SLC44A3: variants seen among roughly 807,000 people sequenced by gnomAD.
SLC44A3 encodes the protein solute carrier family 44 member 3, also known as choline transporter-like protein 3.
Under a neutral mutation model 75.4 loss-of-function variants are expected in SLC44A3, and 74 were observed. That is an observed-to-expected ratio of 0.98 (90% CI 0.81 to 1.19). The LOEUF (loss-of-function observed/expected upper bound fraction) is 1.19, where lower values mean the gene tolerates loss of function less well. Among genes scored for constraint, SLC44A3 ranks in the 50% most tolerant of loss-of-function variants. The pLI, the probability that SLC44A3 is intolerant of heterozygous loss-of-function variation, is 0.00. For missense variants in SLC44A3, 700 were observed against 778.6 expected (o/e 0.90, Z 1.20); for synonymous variants, 310 against 296.9 (o/e 1.04, Z -0.45).
intron 5 of SLC44A3, among the ~76,000 whole-genome samples, chr1:94,829,314 T>G (rs1457459412): frequency 5.3e-5 from 8 of 151,850 alleles, no homozygotes; most frequent in Non-Finnish European, 1.2e-4. Flanking sequence ...ACTTTTGGCT[T>G]TTTATCATAA....
At chr1:94,892,139 CA>C in intron 13 of SLC44A3, 141 bp from the exon 14 acceptor site, 13 of 789,210 alleles carry the variant, frequency 1.6e-5, no homozygotes, top group Non-Finnish European at 2.7e-5. Context: ...TTCATTCTGC[CA>C]AAATTTCTGA....
chr1:94,830,728 C>G (rs748758435), intron 5 of SLC44A3, among the ~76,000 whole-genome samples: 1 of 152,050 alleles, frequency 6.6e-6, no homozygotes, highest in Non-Finnish European at 1.5e-5. Context: ...GTAGATGTAA[C>G]TACGGATGGA....
At position 94,830,012 on chromosome 1, in the gene SLC44A3, T is replaced by C. The variant is rs1428185359; in HGVS notation, c.509+1426T>C. On this transcript the variant is annotated intron_variant, in intron 5 of 14. Transcript: ENST00000271227. ...AAAAATAATGTATTTCATAGTCTTA[T>C]AACTGGTTGCAAGTGAAGCTTGAAA... Among the ~76,000 whole-genome samples the C allele has an allele frequency of 2.0e-5, 3 of 152,222 alleles. No homozygotes were observed. The East Asian group carries it at 5.8e-4, about 29-fold the overall frequency.
intron 12 of SLC44A3, among the ~76,000 whole-genome samples, chr1:94,876,275 C>T (rs1286771417): frequency 6.6e-6 from 1 of 152,246 alleles, no homozygotes; most frequent in Non-Finnish European, 1.5e-5. Flanking sequence ...CCCAAATTCA[C>T]TTAGTGTGGA....
chr1:94,894,332 T>C (rs1670542391), intron 14 of SLC44A3, among the ~76,000 whole-genome samples: 1 of 152,202 alleles, frequency 6.6e-6, no homozygotes, highest in South Asian at 2.1e-4. Context: ...AGCTGTCATC[T>C]GAATGAAATC....
Position 94,845,206 on chromosome 1 carries a change from T to A in SLC44A3, c.886-72T>A, listed in dbSNP as rs150490965. The A allele has an allele frequency of 3.5e-6, 5 of 1,432,156 alleles. No homozygotes were observed. In the East Asian group the frequency reaches 1.2e-4, roughly 33 times the overall value. 88.7% of individuals were successfully genotyped at this position (1,432,156 alleles called of 1,614,324 possible). ...GTTTGCTGAGATGTCATAATAATAG[T>A]AGGGCTTGCTTTAAGCTCTACCCAG... On this transcript the variant is annotated intron_variant, in intron 8 of 14. Coordinates refer to ENST00000271227, the MANE Select transcript of SLC44A3 (RefSeq NM_001114106.3).
chr1:94,820,839 T>C, intron 1 of SLC44A3, 110 bp from the exon 2 acceptor site: 2 of 1,323,454 alleles, frequency 1.5e-6, no homozygotes, highest in Non-Finnish European at 2.0e-6. Flanking sequence ...TTTTAAAAAT[T>C]TAGAAAAAGA....
chr1:94,876,398 G>A (rs967151655), intron 12 of SLC44A3, among the ~76,000 whole-genome samples: 2 of 152,176 alleles, frequency 1.3e-5, no homozygotes, highest in African/African-American at 4.8e-5. Flanking sequence ...TTGTCCAAGG[G>A]GTCTGACTGC....
intron 12 of SLC44A3, among the ~76,000 whole-genome samples, chr1:94,872,897 C>T (rs1445606331): frequency 6.6e-6 from 1 of 152,162 alleles, no homozygotes; most frequent in African/African-American, 2.4e-5. Context: ...TACCTTGTAT[C>T]CATGGTGAGG....
At position 94,860,417 on chromosome 1, in the gene SLC44A3, T is replaced by C. The variant is rs115582533; in HGVS notation, c.1238+2917T>C. 7.2e-3 allele frequency among the ~76,000 whole-genome samples: 1,101 copies of C among 152,142 alleles called. 11 individuals are homozygous for C. The highest frequency in any genetic ancestry group is 0.025 in the African/African-American group (1,057 of 41,516). ...TAAATTTGGGAGACCCACTATCTGA[T>C]TAATATGAGCCCAGAAATACAGAAC... is the stretch of plus-strand genomic sequence containing the variant. On this transcript the variant is annotated intron_variant, in intron 10 of 14. Transcript: ENST00000271227.
chr1:94,830,734 A>T (rs1662015561), intron 5 of SLC44A3, among the ~76,000 whole-genome samples: 1 of 152,184 alleles, frequency 6.6e-6, no homozygotes. Flanking sequence ...GTAACTACGG[A>T]TGGAATTGAA....
chr1:94,827,365 G>A (rs910782327), intron 3 of SLC44A3, 142 bp from the exon 4 acceptor site: 1 of 1,062,438 alleles, frequency 9.4e-7, no homozygotes, highest in Non-Finnish European at 1.4e-6. Flanking sequence ...CATCATAAAT[G>A]TTCAATTATG....
chr1:94,821,357 A>G (rs543920607), intron 2 of SLC44A3, among the ~76,000 whole-genome samples: 19 of 152,348 alleles, frequency 1.2e-4, no homozygotes, highest in Non-Finnish European at 1.6e-4. Context: ...CTTACTGAAC[A>G]GAAGTTCTTT....
At chr1:94,825,883 T>G (rs976489902) in intron 3 of SLC44A3, 7 of 456,188 alleles carry the variant, frequency 1.5e-5, no homozygotes, top group African/African-American at 1.4e-4. Flanking sequence ...GATGCCCATG[T>G]GCTCCCATTT....
intron 12 of SLC44A3, chr1:94,888,620 A>C: frequency 1.0e-6 from 1 of 982,044 alleles, no homozygotes; most frequent in African/African-American, 1.7e-5. Flanking sequence ...GTCCAAAACC[A>C]AAATTTCCTT....
At chr1:94,884,489 G>C (rs1475841460) in intron 12 of SLC44A3, among the ~76,000 whole-genome samples, 3 of 152,182 alleles carry the variant, frequency 2.0e-5, no homozygotes, top group Non-Finnish European at 4.4e-5. Context: ...TCTGAGGAAA[G>C]TATGAATGCC....
intron 9 of SLC44A3, among the ~76,000 whole-genome samples, chr1:94,849,635 G>C (rs191947420): frequency 6.6e-6 from 1 of 152,212 alleles, no homozygotes; most frequent in Non-Finnish European, 1.5e-5. Context: ...CACAGTGCCC[G>C]ATTGTCTCAT....
intron 3 of SLC44A3, among the ~76,000 whole-genome samples, chr1:94,827,056 TC>T (rs1661459054): frequency 6.6e-6 from 1 of 152,224 alleles, no homozygotes; most frequent in Admixed American, 6.5e-5. Flanking sequence ...AGCCTTTGGT[TC>T]CCAGCCTTGG....
At chr1:94,821,992 T>C (rs1571133445) in intron 2 of SLC44A3, among the ~76,000 whole-genome samples, 1 of 152,168 alleles carries the variant, frequency 6.6e-6, no homozygotes, top group African/African-American at 2.4e-5. Flanking sequence ...GTTGCTTACG[T>C]TGGAACTCTC....
Sources: allele counts gnomAD v4.1 joint callset (sites outside exome capture counted in the v4.1 genomes callset), GRCh38; gene constraint gnomAD v4.1.1; transcripts MANE v1.5; gene names NCBI Gene and HGNC (gene_info 2026-07-23, HGNC 2026-07-21).